Variants in C13orf42 observed in about 807,000 individuals in gnomAD.
C13orf42 encodes the protein chromosome 13 open reading frame 42, also known as uncharacterized protein C13orf42.
intron 1 of C13orf42, among the ~76,000 whole-genome samples, chr13:51,162,519 G>A (rs1252188776): frequency 2.0e-5 from 3 of 152,210 alleles, no homozygotes; most frequent in African/African-American, 7.2e-5. Context: ...AAACCTGTGA[G>A]TGTTTTTAGT....
At chr13:51,099,020 T>C (rs1414874883) in intron 1 of C13orf42, among the ~76,000 whole-genome samples, 2 of 152,174 alleles carry the variant, frequency 1.3e-5, no homozygotes, top group African/African-American at 4.8e-5. Flanking sequence ...ATCATTCAAC[T>C]GGGTGAAATT....
At position 51,111,239 on chromosome 13, in the gene C13orf42, C is replaced by A; in HGVS notation, c.-30G>T. 5.0e-6 allele frequency: 2 copies of A among 398,596 alleles called. No homozygotes were observed. The highest frequency in any genetic ancestry group is 8.8e-6 in the Non-Finnish European group (2 of 226,134). The allele number at this position is 398,596 out of a possible 1,614,324, so 24.7% of individuals were successfully genotyped here. Reference sequence around the variant, plus strand: ...CTCGATTTCTTTCTGTGGGTACCTTCCAGCTGCCTGTGCTGCCGCCACTTG... The same window carrying A: ...CTCGATTTCTTTCTGTGGGTACCTTACAGCTGCCTGTGCTGCCGCCACTTG... On this transcript the variant is annotated 5_prime_UTR_variant, in exon 1 of 4. Coordinates refer to ENST00000563710, the MANE Select transcript of C13orf42 (RefSeq NM_001351589.3).
At chr13:51,140,194 T>C (rs1182744065) in intron 1 of C13orf42, among the ~76,000 whole-genome samples, 1 of 152,212 alleles carries the variant, frequency 6.6e-6, no homozygotes. Flanking sequence ...ATCTGTGACC[T>C]AGAAGCTCCC....
chr13:51,146,510 T>C (rs976496029), intron 1 of C13orf42, among the ~76,000 whole-genome samples: 1 of 152,220 alleles, frequency 6.6e-6, no homozygotes, highest in Non-Finnish European at 1.5e-5. Context: ...CCTGATAACA[T>C]GTGCCCAAGG....
rs1386611133 is a variant in C13orf42, at chr13:51,083,560, A to T, written c.*591T>A. 1 of 152,084 alleles carries T rather than the reference A, an allele frequency of 6.6e-6. No homozygotes were observed. Among genetic ancestry groups the T allele is most frequent in the Non-Finnish European group, 1.5e-5 (1 of 68,012 alleles). The allele number at this position is 152,084 out of a possible 1,614,324, so 9.4% of individuals were successfully genotyped here. A position where few individuals can be genotyped will look rare whatever the true frequency, so the allele number is the denominator to read the frequency against. On this transcript the variant is annotated 3_prime_UTR_variant, in exon 4 of 4. Coordinates refer to ENST00000563710, the MANE Select transcript of C13orf42 (RefSeq NM_001351589.3). ...AGGCTCGTGACATACCCCTTCCCTC[A>T]CCCCATTGCCAGGGCATTAGCCTCA...
intron 1 of C13orf42, among the ~76,000 whole-genome samples, chr13:51,165,836 T>C (rs959093125): frequency 2.6e-5 from 4 of 152,210 alleles, no homozygotes; most frequent in Non-Finnish European, 4.4e-5. Flanking sequence ...TCATATTTTC[T>C]GGAAAATGAG....
At position 51,153,614 on chromosome 13, in the gene C13orf42, GCTTT is replaced by G. The variant is rs1380472887; in HGVS notation, n.136+18635_136+18638del. Among the ~76,000 whole-genome samples, 35 of 117,612 alleles carry G rather than the reference GCTTT, an allele frequency of 3.0e-4. 1 individual carries two copies. Among genetic ancestry groups the G allele is most frequent in the African/African-American group, 9.8e-4 (32 of 32,708 alleles). The allele number at this position is 117,612 out of a possible 152,430, so 77.2% of individuals were successfully genotyped here. On this transcript the variant is annotated intron_variant and non_coding_transcript_variant, in intron 1 of 4. Transcript: ENST00000433280. ...CACGTTGTTATCAACCCATTTTCTT[GCTTT>G]CTGTTTTTTTTCTTTTTTTTTTTTT...
At chr13:51,130,554 A>G (rs1474167418) in intron 1 of C13orf42, among the ~76,000 whole-genome samples, 1 of 152,192 alleles carries the variant, frequency 6.6e-6, no homozygotes, top group African/African-American at 2.4e-5. Flanking sequence ...CAAGAAATGT[A>G]CAATTTAAAG....
chr13:51,136,245 G>A (rs1048811428), intron 1 of C13orf42, among the ~76,000 whole-genome samples: 2 of 152,142 alleles, frequency 1.3e-5, no homozygotes, highest in African/African-American at 4.8e-5. Context: ...ACAACCACCT[G>A]CATGTTAGAG....
chr13:51,159,111 A>G (rs1953844323), intron 1 of C13orf42, among the ~76,000 whole-genome samples: 1 of 152,110 alleles, frequency 6.6e-6, no homozygotes, highest in Admixed American at 6.6e-5. Flanking sequence ...GCCAGTTCTG[A>G]GTCATTGTGT....
At chr13:51,088,427 G>A (rs185397238) in intron 1 of C13orf42, among the ~76,000 whole-genome samples, 1 of 152,316 alleles carries the variant, frequency 6.6e-6, no homozygotes, top group Non-Finnish European at 1.5e-5. Context: ...TCCTTAAGTA[G>A]GTGGTGAGAC....
At chr13:51,136,310 G>A (rs1953657487) in intron 1 of C13orf42, among the ~76,000 whole-genome samples, 1 of 152,106 alleles carries the variant, frequency 6.6e-6, no homozygotes, top group African/African-American at 2.4e-5. Context: ...CCCAAAATAA[G>A]AAGCAAGGTG....
chr13:51,111,355 G>A (rs1241116903), upstream of C13orf42: 3 of 396,838 alleles, frequency 7.6e-6, no homozygotes, highest in African/African-American at 4.1e-5. Context: ...GGGAGCACCG[G>A]CTTGATCAGG....
chr13:51,154,476 A>C (rs1310427792), intron 1 of C13orf42, among the ~76,000 whole-genome samples: 1 of 152,184 alleles, frequency 6.6e-6, no homozygotes, highest in East Asian at 1.9e-4. Flanking sequence ...CGTATGAATC[A>C]CAGTGTCGGA....
At chr13:51,105,690 T>A (rs536511003) in intron 1 of C13orf42, among the ~76,000 whole-genome samples, 58 of 152,348 alleles carry the variant, frequency 3.8e-4, no homozygotes, top group African/African-American at 1.4e-3. Flanking sequence ...TTCTATGATC[T>A]GCATATTATT....
intron 1 of C13orf42, among the ~76,000 whole-genome samples, chr13:51,160,328 G>A (rs75615486): frequency 5.3e-5 from 8 of 152,304 alleles, no homozygotes; most frequent in African/African-American, 1.9e-4. Flanking sequence ...GGCAAACATG[G>A]TGAAACCCCA....
At chr13:51,142,764 T>G (rs1953705609) in intron 1 of C13orf42, among the ~76,000 whole-genome samples, 1 of 151,918 alleles carries the variant, frequency 6.6e-6, no homozygotes, top group Admixed American at 6.6e-5. Context: ...AAGAGGTAAT[T>G]TTTTTAGGTA....
chr13:51,086,516 G>A (rs779500540), intron 2 of C13orf42, among the ~76,000 whole-genome samples: 1 of 139,900 alleles, frequency 7.1e-6, no homozygotes, highest in Admixed American at 6.9e-5. Context: ...GAGAGAGAGT[G>A]TGTGTGTGTG....
intron 1 of C13orf42, among the ~76,000 whole-genome samples, chr13:51,123,577 C>A (rs985717586): frequency 6.6e-6 from 1 of 152,202 alleles, no homozygotes; most frequent in African/African-American, 2.4e-5. Flanking sequence ...TGCATCATCA[C>A]GGTTTGTGTA....
Sources: allele counts gnomAD v4.1 joint callset (sites outside exome capture counted in the v4.1 genomes callset), GRCh38; gene constraint gnomAD v4.1.1; transcripts MANE v1.5; gene names NCBI Gene and HGNC (gene_info 2026-07-23, HGNC 2026-07-21).